Variants in HSPB6 observed in about 807,000 individuals in gnomAD.
HSPB6 encodes the protein heat shock protein family B (small) member 6, also known as heat shock protein beta-6.
A neutral mutation model predicts 10.7 loss-of-function variants in HSPB6; 8 were observed. The ratio of observed to expected loss-of-function variants is 0.75; its 90% CI spans 0.44 to 1.35. The LOEUF (loss-of-function observed/expected upper bound fraction) is 1.35, where lower values mean the gene tolerates loss of function less well. Ranked by LOEUF, HSPB6 falls within the 40% of genes most tolerant of loss-of-function variation. The probability of loss-of-function intolerance (pLI) is 0.00; values close to 1 mark genes in which losing one functional copy is unlikely to be tolerated. For missense variants in HSPB6, 232 were observed against 236.0 expected (o/e 0.98, Z 0.11); for synonymous variants, 128 against 114.2 (o/e 1.12, Z -0.77).
In HSPB6 at chr19:35,755,710, C is replaced by T. The variant is rs990407609; in HGVS notation, c.322-27G>A. ...TGGAGGGGAGGGAGGCTTGAGCGGC[C>T]CCGCCCCTCCGGCCCGGCGGCGAGC... is the stretch of plus-strand genomic sequence containing the variant. On this transcript the variant is annotated intron_variant, in intron 2 of 2. Transcript: ENST00000004982. 15 of 1,524,322 alleles carry T rather than the reference C, an allele frequency of 9.8e-6. No homozygotes were observed. The African/African-American group carries it at 1.1e-4, about 12-fold the overall frequency. 94.4% of individuals were successfully genotyped at this position (1,524,322 alleles called of 1,614,324 possible). A position where few individuals can be genotyped will look rare whatever the true frequency, so the allele number is the denominator to read the frequency against.
In HSPB6 at chr19:35,756,984, G is replaced by T. The variant is rs888174982; in HGVS notation, c.25C>A (p.Pro9Thr). The change falls in exon 1 of 3, where the codon CCG (proline) becomes ACG (threonine). Residue 9 changes from proline to threonine, a missense_variant. Coordinates refer to ENST00000004982, the MANE Select transcript of HSPB6 (RefSeq NM_144617.3). The stretch of plus-strand genomic sequence containing the variant: ...GCCGAGGCGCGGCGCAGCCAAGACG[G>T]CTGCACAGGCACAGGGATCTCCATC... Reference protein sequence around the residue: MEIPVPVQPSWLRRASAPL... With the variant: MEIPVPVQTSWLRRASAPL... 7 of 1,545,704 alleles carry T rather than the reference G, an allele frequency of 4.5e-6. No homozygotes were observed. In the African/African-American group the frequency reaches 9.6e-5, roughly 21 times the overall value.
chr19:35,755,963 C>A (rs571843074), intron 1 of HSPB6, 69 bp from the exon 2 acceptor site: 7 of 1,514,220 alleles, frequency 4.6e-6, no homozygotes, highest in African/African-American at 4.2e-5. Flanking sequence ...CCCAGGGAGA[C>A]CCCACCCCCG....
intron 1 of HSPB6, among the ~76,000 whole-genome samples, chr19:35,756,111 C>G (rs1485821104): frequency 6.6e-6 from 1 of 151,894 alleles, no homozygotes; most frequent in African/African-American, 2.4e-5. Context: ...CCCTCTCCCC[C>G]GCAGTGATGA....
chr19:35,755,832 T>C lies in HSPB6; in HGVS notation c.261A>G (p.Glu87=). 1 of 1,595,196 alleles carries C rather than the reference T, an allele frequency of 6.3e-7. No homozygotes were observed. The highest frequency in any genetic ancestry group is 8.5e-7 in the Non-Finnish European group (1 of 1,172,050). Residue 87 remains glutamate (E), a synonymous_variant, in exon 2 of 3, where the codon GAA becomes GAG. Transcript: ENST00000004982. Reference sequence around the variant, plus strand: ...GTTCGCCCACCACCTTGACAGCAATTTCCTCCGGCGAGAAGTGCTTCACGT... The same window carrying C: ...GTTCGCCCACCACCTTGACAGCAATCTCCTCCGGCGAGAAGTGCTTCACGT... ...LLDVKHFSPE[E]IAVKVVGEHV...
intron 1 of HSPB6, 48 bp downstream of exon 1, chr19:35,756,763 C>CAATGGAATT: frequency 1.3e-6 from 2 of 1,521,158 alleles, no homozygotes; most frequent in Non-Finnish European, 1.8e-6. Context: ...CTGCCCCAGA[C>CAATGGAATT]CCCTGGCAAT....
intron 1 of HSPB6, among the ~76,000 whole-genome samples, chr19:35,756,554 T>G (rs1011318894): frequency 6.6e-6 from 1 of 152,066 alleles, no homozygotes; most frequent in Admixed American, 6.5e-5. Flanking sequence ...AAGACTCCCC[T>G]TAGAGTGACC....
At position 35,755,879 on chromosome 19, in the gene HSPB6, C is replaced by T; in HGVS notation, c.214G>A (p.Gly72Ser). Reference sequence around the variant, plus strand: ...ACGTCTAGCAGCACCGAAAAGTGGCCGGGGTCCGTCGGCACCTGAGCGCAG... The same window carrying T: ...ACGTCTAGCAGCACCGAAAAGTGGCTGGGGTCCGTCGGCACCTGAGCGCAG... ...LPVAQVPTDP[G>S]HFSVLLDVKH... Residue 72 changes from glycine (G) to serine (S), a missense_variant, in exon 2 of 3, where the codon GGC becomes AGC. Transcript: ENST00000004982. 6 of 1,570,092 alleles carry T rather than the reference C, an allele frequency of 3.8e-6. No homozygotes were observed. The highest frequency in any genetic ancestry group is 1.2e-5 in the South Asian group (1 of 85,376).
rs370292442 is a variant in HSPB6 at position 35,755,322 on chromosome 19, G to T, written c.*200C>A. 4.3e-6 allele frequency: 3 copies of T among 699,484 alleles called. No homozygotes were observed. Among genetic ancestry groups the T allele is most frequent in the Non-Finnish European group, 7.7e-6 (3 of 391,130 alleles). The allele number at this position is 699,484 out of a possible 1,614,324, so 43.3% of individuals were successfully genotyped here. A position where few individuals can be genotyped will look rare whatever the true frequency, so the allele number is the denominator to read the frequency against. ...TCGGTGTGGGGTCGGAAAGCTGGAG[G>T]GGGTGTGAGAGCGAGGGTGTCAGTG... On this transcript the variant is annotated 3_prime_UTR_variant, in exon 3 of 3. Transcript: ENST00000004982.
In HSPB6 at chr19:35,756,900, G is replaced by GC. The variant is rs960170560; in HGVS notation, c.108dup (p.Leu37AlafsTer73). On this transcript the variant is annotated frameshift_variant, in exon 1 of 3. Coordinates refer to ENST00000004982, the MANE Select transcript of HSPB6 (RefSeq NM_144617.3). LOFTEE classifies it high-confidence loss of function. Reference sequence around the variant, plus strand: ...AGCGCAGCCAGCTCGGCCTCCAGCAGCCCCTCGCCGAAGCGCTGGTCAAAG... The same window carrying GC: ...AGCGCAGCCAGCTCGGCCTCCAGCAGCCCCCTCGCCGAAGCGCTGGTCAAAG... The GC allele has an allele frequency of 6.5e-7, 1 of 1,539,104 alleles. No individual in the cohort carries two copies. The highest frequency in any genetic ancestry group is 8.7e-7 in the Non-Finnish European group (1 of 1,145,932).
chr19:35,755,742 G>C lies in HSPB6; in HGVS notation c.321+30C>G, dbSNP rs374734546. 21 of 1,542,996 alleles carry C rather than the reference G, an allele frequency of 1.4e-5. No homozygotes were observed. In the African/African-American group the frequency reaches 2.8e-4, roughly 21 times the overall value. On this transcript the variant is annotated intron_variant, in intron 2 of 2. Transcript: ENST00000004982. Reference sequence around the variant, plus strand: ...CTCCGGCCCGGCGGCGAGCGTACCCGCTCCAGCCCCGCCCCACGCCGCGGC... The same window carrying C: ...CTCCGGCCCGGCGGCGAGCGTACCCCCTCCAGCCCCGCCCCACGCCGCGGC...
chr19:35,756,741 T>G, intron 1 of HSPB6, 70 bp downstream of exon 1: 1 of 1,469,146 alleles, frequency 6.8e-7, no homozygotes, highest in South Asian at 1.2e-5. Context: ...TCTCACATGT[T>G]CCCACCCCAG....
In HSPB6 at chr19:35,755,176, CAGAA is replaced by C; in HGVS notation, c.*342_*345del. ...TACCCGGATGTCTTTGTAGAGGACT[CAGAA>C]GGAAGTAGAGGAGGGGTCTTAAGTG... On this transcript the variant is annotated 3_prime_UTR_variant, in exon 3 of 3. Transcript: ENST00000004982. 2.2e-6 allele frequency: 1 copy of C among 450,254 alleles called. No individual in the cohort carries two copies. Among genetic ancestry groups the C allele is most frequent in the South Asian group, 2.3e-5 (1 of 43,374 alleles). The allele number at this position is 450,254 out of a possible 1,614,324, so 27.9% of individuals were successfully genotyped here.
In HSPB6 at chr19:35,754,657, G is replaced by A. The variant is rs563771464; in HGVS notation, c.*865C>T. On this transcript the variant is annotated 3_prime_UTR_variant, in exon 3 of 3. Coordinates refer to ENST00000004982, the MANE Select transcript of HSPB6 (RefSeq NM_144617.3). ...GAGAAAGGCTGTGGGGAATCAGAGC[G>A]GGTGCTCAGTTGGGTCTTGAAGGAG... 17 of 650,884 alleles carry A rather than the reference G, an allele frequency of 2.6e-5. No homozygotes were observed. Among genetic ancestry groups the A allele is most frequent in the Non-Finnish European group, 3.5e-5 (13 of 367,258 alleles). 40.3% of individuals were successfully genotyped at this position (650,884 alleles called of 1,614,324 possible).
chr19:35,756,665 C>T, intron 1 of HSPB6, 146 bp downstream of exon 1: 2 of 748,090 alleles, frequency 2.7e-6, no homozygotes, highest in South Asian at 3.4e-5. Flanking sequence ...GCCTCAGATT[C>T]CCATTGACTC....
chr19:35,755,934 G>T, intron 1 of HSPB6, 40 bp from the exon 2 acceptor site: 1 of 1,544,802 alleles, frequency 6.5e-7, no homozygotes, highest in Non-Finnish European at 8.7e-7. Flanking sequence ...CATTGGGCTG[G>T]GCCAGGCTCC....
rs1970768082 is a variant in HSPB6, at chr19:35,756,848, T to C, written c.161A>G (p.Tyr54Cys). ...ALCPTTLAPY[Y>C]LRAPSVALPV... ...CAGCGCCACGCTGGGTGCGCGCAGG[T>C]AGTAGGGGGCGAGCGTGGTGGGGCA... The change falls in exon 1 of 3, where the codon TAC (tyrosine) becomes TGC (cysteine). Residue 54 changes from tyrosine to cysteine, a missense_variant. Coordinates refer to ENST00000004982, the MANE Select transcript of HSPB6 (RefSeq NM_144617.3). The C allele has an allele frequency of 6.5e-7, 1 of 1,537,118 alleles. No individual in the cohort carries two copies. The highest frequency in any genetic ancestry group is 8.7e-7 in the Non-Finnish European group (1 of 1,146,424).
chr19:35,755,576 G>A lies in HSPB6; in HGVS notation c.429C>T (p.Ser143=), dbSNP rs375908910. 16 of 1,531,060 alleles carry A rather than the reference G, an allele frequency of 1.0e-5. No individual in the cohort carries two copies. In the African/African-American group the frequency reaches 1.4e-4, roughly 13 times the overall value. 94.8% of individuals were successfully genotyped at this position (1,531,060 alleles called of 1,614,324 possible). ...TSALSPEGVL[S]IQAAPASAQA... ...GGGCCGACGCTGGTGCGGCCTGGAT[G>A]GACAGGACGCCCTCGGGGGACAGCG... The change falls in exon 3 of 3, where the codon TCC becomes TCT. Residue 143 remains serine, a synonymous_variant. Transcript: ENST00000004982.
chr19:35,755,514 GC>G lies in HSPB6; in HGVS notation c.*7del. 7.6e-7 allele frequency: 1 copy of G among 1,318,630 alleles called. No homozygotes were observed. Among genetic ancestry groups the G allele is most frequent in the East Asian group, 3.2e-5 (1 of 30,796 alleles). 81.7% of individuals were successfully genotyped at this position (1,318,630 alleles called of 1,614,324 possible). On this transcript the variant is annotated 3_prime_UTR_variant, in exon 3 of 3. Coordinates refer to ENST00000004982, the MANE Select transcript of HSPB6 (RefSeq NM_144617.3). Reference sequence around the variant, plus strand: ...GCTCCCGGGGTGCGGGCGCGGCCCAGCCCCCTCCTACTTGGCTGCGGCTGGC... The same window carrying G: ...GCTCCCGGGGTGCGGGCGCGGCCCAGCCCCTCCTACTTGGCTGCGGCTGGC...
At chr19:35,756,265 C>G (rs1464262639) in intron 1 of HSPB6, among the ~76,000 whole-genome samples, 1 of 152,122 alleles carries the variant, frequency 6.6e-6, no homozygotes, top group African/African-American at 2.4e-5. Flanking sequence ...GCCAAACTCG[C>G]CAAGATGCCC....
Sources: allele counts gnomAD v4.1 joint callset (sites outside exome capture counted in the v4.1 genomes callset), GRCh38; gene constraint gnomAD v4.1.1; transcripts MANE v1.5; gene names NCBI Gene and HGNC (gene_info 2026-07-23, HGNC 2026-07-21).